The following KLF12 variants were observed in gnomAD, a reference collection of about 807,000 sequenced individuals.
The protein encoded by KLF12 is KLF transcription factor 12.
KLF12 carries 9 observed loss-of-function variants against 37.8 expected under a neutral mutation model. The observed-to-expected ratio is 0.24, with a 90% CI of 0.14 to 0.42. KLF12 has a LOEUF of 0.42. KLF12 is among the 10% of genes least tolerant of loss of function. KLF12 has a pLI of 1.00. For missense variants in KLF12, 411 were observed against 516.0 expected, an observed-to-expected ratio of 0.80 and a Z score of 1.97; for synonymous variants, 208 against 202.1, an observed-to-expected ratio of 1.03 and a Z score of -0.25.
rs1359088660 is a variant in KLF12 at position 73,826,369 on chromosome 13, T to A, written c.671-13082A>T. ...GTTTCTCACATCCAACTATTCTTCA[T>A]ATAAAAGAAAATATAAACAACCATT... On this transcript the variant is annotated intron_variant, in intron 4 of 7. Coordinates refer to ENST00000377669, the MANE Select transcript of KLF12 (RefSeq NM_007249.5). 2.0e-5 allele frequency among the ~76,000 whole-genome samples: 3 copies of A among 152,320 alleles called. No individual in the cohort carries two copies. The East Asian group carries it at 5.8e-4, about 29-fold the overall frequency.
chr13:74,129,427 G>T (rs1566226858), intron 1 of KLF12, among the ~76,000 whole-genome samples: 3 of 152,168 alleles, frequency 2.0e-5, no homozygotes. Flanking sequence ...TCACACTTGG[G>T]ACACAATTCA....
chr13:74,298,959 G>C, the KLF12 span, among the ~76,000 whole-genome samples: 1 of 152,136 alleles, frequency 6.6e-6, no homozygotes, highest in Non-Finnish European at 1.5e-5. Flanking sequence ...ATTACAGTTA[G>C]AGCAACCTCA....
chr13:74,065,523 C>T (rs1394230964), intron 1 of KLF12, among the ~76,000 whole-genome samples: 1 of 152,086 alleles, frequency 6.6e-6, no homozygotes, highest in Non-Finnish European at 1.5e-5. Context: ...AACCCATAGG[C>T]ATCCATCTAC....
At chr13:73,858,044 A>G (rs546089611) in intron 3 of KLF12, among the ~76,000 whole-genome samples, 1 of 152,312 alleles carries the variant, frequency 6.6e-6, no homozygotes, top group South Asian at 2.1e-4. Flanking sequence ...TGTTAACAAT[A>G]GTTTTTCCAT....
chr13:74,019,441 A>G (rs560582298), intron 1 of KLF12, among the ~76,000 whole-genome samples: 11 of 152,368 alleles, frequency 7.2e-5, no homozygotes, highest in Admixed American at 7.2e-4. Context: ...ACAAAATTAT[A>G]GAATTATCAC....
At chr13:74,235,166 T>C in the KLF12 span, among the ~76,000 whole-genome samples, 1 of 152,202 alleles carries the variant, frequency 6.6e-6, no homozygotes, top group Non-Finnish European at 1.5e-5. Context: ...TGTAACCTCG[T>C]TGATGTAAGC....
chr13:73,738,641 A>C (rs527508380), intron 6 of KLF12, among the ~76,000 whole-genome samples: 2 of 152,202 alleles, frequency 1.3e-5, no homozygotes, highest in East Asian at 3.8e-4. Context: ...GGAGAAATTC[A>C]GATAGAATCT....
chr13:73,813,080 A>G, intron 5 of KLF12, 72 bp downstream of exon 5: 1 of 1,506,824 alleles, frequency 6.6e-7, no homozygotes, highest in Non-Finnish European at 9.1e-7. Flanking sequence ...GGGGGACAGG[A>G]GATGCTGCAG....
intron 5 of KLF12, among the ~76,000 whole-genome samples, chr13:73,789,433 T>C (rs1881534791): frequency 6.6e-6 from 1 of 152,088 alleles, no homozygotes; most frequent in African/African-American, 2.4e-5. Context: ...CATACTTCTT[T>C]TTTCACCACC....
chr13:74,190,578 T>A, the KLF12 span, among the ~76,000 whole-genome samples: 1 of 152,232 alleles, frequency 6.6e-6, no homozygotes, highest in Non-Finnish European at 1.5e-5. Context: ...GTAGTGAATA[T>A]CCTCTTGGTT....
chr13:73,825,844 A>T (rs1169895158), intron 4 of KLF12, among the ~76,000 whole-genome samples: 1 of 152,186 alleles, frequency 6.6e-6, no homozygotes, highest in Non-Finnish European at 1.5e-5. Context: ...AGGCTAGCTG[A>T]GATCTGAGAT....
intron 1 of KLF12, among the ~76,000 whole-genome samples, chr13:74,101,436 T>G: frequency 6.6e-6 from 1 of 152,098 alleles, no homozygotes; most frequent in Middle Eastern, 3.4e-3. Flanking sequence ...CTTCCCCACA[T>G]AGACATACAC....
At chr13:73,894,915 T>C (rs935870299) in intron 3 of KLF12, among the ~76,000 whole-genome samples, 1 of 152,228 alleles carries the variant, frequency 6.6e-6, no homozygotes, top group Non-Finnish European at 1.5e-5. Flanking sequence ...TATAGAGTAA[T>C]AGTTCTTATT....
intron 4 of KLF12, among the ~76,000 whole-genome samples, chr13:73,833,769 T>G (rs1439020521): frequency 1.3e-5 from 2 of 152,094 alleles, no homozygotes; most frequent in Non-Finnish European, 2.9e-5. Flanking sequence ...TGAGATGTAT[T>G]TGGTGGAATG....
In KLF12 at chr13:74,061,519, A is replaced by G. The variant is rs563095071; in HGVS notation, c.-31-66466T>C. 4.6e-5 allele frequency among the ~76,000 whole-genome samples: 7 copies of G among 152,308 alleles called. No individual in the cohort carries two copies. In the South Asian group the frequency reaches 1.2e-3, roughly 27 times the overall value. On this transcript the variant is annotated intron_variant, in intron 1 of 7. Coordinates refer to ENST00000377669, the MANE Select transcript of KLF12 (RefSeq NM_007249.5). ...AATTAGACTCATCCATCTAATTTCC[A>G]TGATACTTCCTAGACTGTGAGACCA...
the KLF12 span, among the ~76,000 whole-genome samples, chr13:74,147,345 CAA>C: frequency 0.013 from 1,996 of 152,302 alleles, 128 homozygotes; most frequent in Admixed American, 0.11. Flanking sequence ...TGCTCCTACA[CAA>C]AGAGTTCTGT....
chr13:73,829,412 T>C (rs1884027485), intron 4 of KLF12, among the ~76,000 whole-genome samples: 1 of 152,178 alleles, frequency 6.6e-6, no homozygotes, highest in Admixed American at 6.5e-5. Flanking sequence ...TTTTCTCAGA[T>C]GTTACAAGAT....
At chr13:73,729,202 A>C (rs1448864663) in intron 6 of KLF12, among the ~76,000 whole-genome samples, 2 of 152,214 alleles carry the variant, frequency 1.3e-5, no homozygotes, top group Non-Finnish European at 2.9e-5. Context: ...AAGATCAAAC[A>C]AGAACTTTGC....
chr13:73,907,826 C>T lies in KLF12; in HGVS notation c.123+36155G>A, dbSNP rs150005490. Among the ~76,000 whole-genome samples, 13 of 152,272 alleles carry T rather than the reference C, an allele frequency of 8.5e-5. No individual in the cohort carries two copies. The East Asian group carries it at 1.7e-3, about 20-fold the overall frequency. On this transcript the variant is annotated intron_variant, in intron 3 of 7. Coordinates refer to ENST00000377669, the MANE Select transcript of KLF12 (RefSeq NM_007249.5). ...ACAGTGAAAGCCTAAGTCATTACAA[C>T]GACCCACATGATTGACCCTCTCCCT... is the stretch of plus-strand genomic sequence containing the variant.
Sources: allele counts gnomAD v4.1 joint callset (sites outside exome capture counted in the v4.1 genomes callset), GRCh38; gene constraint gnomAD v4.1.1; transcripts MANE v1.5; gene names NCBI Gene and HGNC (gene_info 2026-07-23, HGNC 2026-07-21).